Variants in TRIM44 observed in about 807,000 individuals in gnomAD.
TRIM44 encodes tripartite motif-containing protein 44.
A neutral mutation model predicts 37.4 loss-of-function variants in TRIM44; 13 were observed. The ratio of observed to expected loss-of-function variants is 0.35; its 90% CI spans 0.23 to 0.55. The LOEUF (loss-of-function observed/expected upper bound fraction) is 0.55, where lower values mean the gene tolerates loss of function less well. TRIM44 is among the 20% of genes least tolerant of loss of function. TRIM44 has a pLI of 0.89. For missense variants in TRIM44, 426 were observed against 437.2 expected, an observed-to-expected ratio of 0.97 and a Z score of 0.23; for synonymous variants, 175 against 157.2, an observed-to-expected ratio of 1.11 and a Z score of -0.85.
At chr11:35,726,819 G>T (rs998776496) in intron 3 of TRIM44, among the ~76,000 whole-genome samples, 1 of 151,810 alleles carries the variant, frequency 6.6e-6, no homozygotes, top group Non-Finnish European at 1.5e-5. Context: ...ACATATTTAG[G>T]CATTTTGAAT....
At chr11:35,773,532 T>A (rs1852904431) in intron 4 of TRIM44, among the ~76,000 whole-genome samples, 2 of 152,192 alleles carry the variant, frequency 1.3e-5, no homozygotes, top group Admixed American at 6.5e-5. Flanking sequence ...ACAGGTTTGT[T>A]ACATATATAT....
At chr11:35,758,768 T>C (rs1369579970) in intron 4 of TRIM44, among the ~76,000 whole-genome samples, 1 of 152,234 alleles carries the variant, frequency 6.6e-6, no homozygotes. Flanking sequence ...AAGCTTAGTT[T>C]GGCTGGATAT....
chr11:35,730,741 GTTAT>G (rs1435622004), intron 3 of TRIM44, among the ~76,000 whole-genome samples: 1 of 150,798 alleles, frequency 6.6e-6, no homozygotes, highest in Non-Finnish European at 1.5e-5. Flanking sequence ...TTTATTCCTA[GTTAT>G]TTAATATTTT....
intron 4 of TRIM44, among the ~76,000 whole-genome samples, chr11:35,800,982 T>C (rs1262428627): frequency 1.3e-5 from 2 of 152,174 alleles, no homozygotes; most frequent in Non-Finnish European, 2.9e-5. Context: ...ACCAAGGACA[T>C]TTTACTTTAT....
intron 4 of TRIM44, among the ~76,000 whole-genome samples, chr11:35,788,057 T>C (rs1853152503): frequency 6.6e-6 from 1 of 152,206 alleles, no homozygotes; most frequent in Non-Finnish European, 1.5e-5. Context: ...TACCAGCCCT[T>C]GGGATCCTGC....
chr11:35,717,504 A>C (rs1055604052), intron 2 of TRIM44, among the ~76,000 whole-genome samples: 1 of 152,126 alleles, frequency 6.6e-6, no homozygotes, highest in South Asian at 2.1e-4. Context: ...AATTATCCTT[A>C]AAAAACCCCA....
Position 35,809,323 on chromosome 11 carries a change from A to G in TRIM44, c.*2938A>G, listed in dbSNP as rs150584314. 2.0e-5 allele frequency: 3 copies of G among 152,320 alleles called. No homozygotes were observed. The highest frequency in any genetic ancestry group is 7.2e-5 in the African/African-American group (3 of 41,568). The allele number at this position is 152,320 out of a possible 1,614,324, so 9.4% of individuals were successfully genotyped here. A position where few individuals can be genotyped will look rare whatever the true frequency, so the allele number is the denominator to read the frequency against. ...GCTCCCCCTAATTCTGTGGACAGGC[A>G]CTTTGTACCACACACCATGGTCCAC... On this transcript the variant is annotated 3_prime_UTR_variant, in exon 5 of 5. Transcript: ENST00000299413.
At chr11:35,762,000 T>G (rs1477640195) in intron 4 of TRIM44, among the ~76,000 whole-genome samples, 4 of 152,200 alleles carry the variant, frequency 2.6e-5, no homozygotes, top group Non-Finnish European at 5.9e-5. Context: ...CCCTTTTCCC[T>G]TTCCTTGGGA....
chr11:35,673,157 G>A (rs1403659597), intron 1 of TRIM44, among the ~76,000 whole-genome samples: 2 of 152,202 alleles, frequency 1.3e-5, no homozygotes, highest in African/African-American at 2.4e-5. Context: ...GGTGTTATAT[G>A]CAATGAAAAC....
Position 35,806,497 on chromosome 11 carries a change from ACC to A in TRIM44, c.*113_*114del. ...GCTGCTCAGCAACAAACGTACTTCC[ACC>A]AGATGTGTCCCCAGATCCACAGCAG... On this transcript the variant is annotated 3_prime_UTR_variant, in exon 5 of 5. Coordinates refer to ENST00000299413, the MANE Select transcript of TRIM44 (RefSeq NM_017583.6). 8.6e-7 allele frequency: 1 copy of A among 1,160,914 alleles called. No homozygotes were observed. The highest frequency in any genetic ancestry group is 1.3e-6 in the Non-Finnish European group (1 of 773,872). 71.9% of individuals were successfully genotyped at this position (1,160,914 alleles called of 1,614,324 possible). A position where few individuals can be genotyped will look rare whatever the true frequency, so the allele number is the denominator to read the frequency against.
rs1472081342 is a variant in TRIM44, at chr11:35,725,953, A to G, written c.777A>G (p.Ile259Met). ...KVTRDQMKMFIQQEFKKVQKV... is the reference protein window; with the variant it reads ...KVTRDQMKMFMQQEFKKVQKV... ...CTCGGGACCAAATGAAGATGTTTAT[A>G]CAGCAGGAATTTAAGAAAGTTCAGA... The change falls in exon 3 of 5, where the codon ATA (isoleucine) becomes ATG (methionine). Residue 259 changes from isoleucine to methionine, a missense_variant. By Grantham distance (10) the Ile-to-Met change is conservative. Coordinates refer to ENST00000299413, the MANE Select transcript of TRIM44 (RefSeq NM_017583.6). 6.2e-7 allele frequency: 1 copy of G among 1,614,110 alleles called. No homozygotes were observed. The highest frequency in any genetic ancestry group is 8.5e-7 in the Non-Finnish European group (1 of 1,179,986).
rs555691648 is a variant in TRIM44 at position 35,681,297 on chromosome 11, A to T, written c.670-3962A>T. ...TTCAGTGAGATGCCAATGAAAGAGC[A>T]TATGAAAGTGCTTTGGAGACTAAAG... On this transcript the variant is annotated intron_variant, in intron 1 of 4. Transcript: ENST00000299413. Among the ~76,000 whole-genome samples the T allele has an allele frequency of 7.9e-5, 12 of 152,342 alleles. No homozygotes were observed. In the South Asian group the frequency reaches 8.3e-4, roughly 11 times the overall value.
At chr11:35,804,471 G>A (rs1392856856) in intron 4 of TRIM44, among the ~76,000 whole-genome samples, 1 of 152,182 alleles carries the variant, frequency 6.6e-6, no homozygotes. Flanking sequence ...GTCCATGAAC[G>A]TTTAAACTAT....
chr11:35,793,193 G>C (rs1853238547), intron 4 of TRIM44, among the ~76,000 whole-genome samples: 1 of 149,928 alleles, frequency 6.7e-6, no homozygotes, highest in African/African-American at 2.5e-5. Flanking sequence ...AAATCTAGCT[G>C]TGCGGCTTCT....
At chr11:35,669,344 C>T (rs567303293) in intron 1 of TRIM44, among the ~76,000 whole-genome samples, 1 of 152,282 alleles carries the variant, frequency 6.6e-6, no homozygotes, top group South Asian at 2.1e-4. Context: ...GTTAACCTCT[C>T]TACCTTCCCC....
At chr11:35,796,601 C>T (rs1412974315) in intron 4 of TRIM44, among the ~76,000 whole-genome samples, 6 of 152,154 alleles carry the variant, frequency 3.9e-5, no homozygotes, top group Non-Finnish European at 8.8e-5. Flanking sequence ...TCTAACTCTC[C>T]ACCCCCTGAA....
rs1362701325 is a variant in TRIM44 at position 35,725,958 on chromosome 11, A to G, written c.782A>G (p.Gln261Arg). Reference protein sequence around the residue: ...TRDQMKMFIQQEFKKVQKVIA... With the variant: ...TRDQMKMFIQREFKKVQKVIA... ...GACCAAATGAAGATGTTTATACAGC[A>G]GGAATTTAAGAAAGTTCAGAAAGTG... is the stretch of plus-strand genomic sequence containing the variant. The change falls in exon 3 of 5, where the codon CAG (glutamine) becomes CGG (arginine). Residue 261 changes from glutamine to arginine, a missense_variant. Transcript: ENST00000299413. The G allele has an allele frequency of 6.2e-7, 1 of 1,614,008 alleles. No homozygotes were observed. The highest frequency in any genetic ancestry group is 8.5e-7 in the Non-Finnish European group (1 of 1,180,004).
Position 35,811,566 on chromosome 11 carries a change from C to T in TRIM44, c.*5181C>T, listed in dbSNP as rs1328464691. 4 of 152,104 alleles carry T rather than the reference C, an allele frequency of 2.6e-5. No individual in the cohort carries two copies. The highest frequency in any genetic ancestry group is 7.2e-5 in the African/African-American group (3 of 41,404). 9.4% of individuals were successfully genotyped at this position (152,104 alleles called of 1,614,324 possible). ...GAGTTGTAAATGAAGCAATTCCAAG[C>T]TGGTTTGAAGGACCAGAGGTTGCAT... On this transcript the variant is annotated 3_prime_UTR_variant, in exon 5 of 5. Coordinates refer to ENST00000299413, the MANE Select transcript of TRIM44 (RefSeq NM_017583.6).
intron 2 of TRIM44, among the ~76,000 whole-genome samples, chr11:35,707,568 T>TAC (rs1400660074): frequency 1.4e-5 from 2 of 140,692 alleles, no homozygotes; most frequent in African/African-American, 2.5e-5. Flanking sequence ...AACAGAGATA[T>TAC]AGATCATTGG....
Sources: gnomAD v4.1 joint callset for allele counts (sites outside exome capture counted in the v4.1 genomes callset) on GRCh38, gnomAD v4.1.1 for gene constraint, MANE v1.5 for transcripts, NCBI Gene and HGNC (gene_info 2026-07-23, HGNC 2026-07-21) for gene names.